ASIC2: variants seen among roughly 807,000 people sequenced by gnomAD.
ASIC2 encodes the protein acid sensing ion channel subunit 2, also known as acid-sensing ion channel 2.
ASIC2 carries 25 observed loss-of-function variants against 57.3 expected under a neutral mutation model. The ratio of observed to expected loss-of-function variants is 0.44; its 90% CI spans 0.32 to 0.61. The LOEUF is 0.61. ASIC2 is among the 20% of genes least tolerant of loss of function. ASIC2 has a pLI of 0.06. For synonymous variants in ASIC2, 319 were observed against 307.5 expected (o/e 1.04, Z -0.39); for missense variants, 641 against 738.1 (o/e 0.87, Z 1.52).
chr17:33,465,133 G>A (rs1912818482), intron 1 of ASIC2, among the ~76,000 whole-genome samples: 1 of 152,154 alleles, frequency 6.6e-6, no homozygotes, highest in Non-Finnish European at 1.5e-5. Context: ...AAGAAAATGA[G>A]TGGGCCATAT....
intron 1 of ASIC2, among the ~76,000 whole-genome samples, chr17:33,652,247 A>G (rs1346626399): frequency 6.6e-6 from 1 of 152,220 alleles, no homozygotes; most frequent in African/African-American, 2.4e-5. Context: ...AGACTAATCC[A>G]AAACAGGAGA....
intron 1 of ASIC2, among the ~76,000 whole-genome samples, chr17:33,722,850 G>A (rs1909430476): frequency 6.6e-6 from 1 of 152,134 alleles, no homozygotes; most frequent in Admixed American, 6.5e-5. Flanking sequence ...CTACTCCTCA[G>A]GAAAGTAAAA....
intron 1 of ASIC2, among the ~76,000 whole-genome samples, chr17:33,760,281 AAT>A (rs1197391194): frequency 6.6e-6 from 1 of 151,892 alleles, no homozygotes; most frequent in Non-Finnish European, 1.5e-5. Flanking sequence ...TATTTTATGG[AAT>A]ATATATATAG....
intron 1 of ASIC2, among the ~76,000 whole-genome samples, chr17:33,956,879 A>G (rs1254402184): frequency 6.6e-6 from 1 of 152,202 alleles, no homozygotes; most frequent in African/African-American, 2.4e-5. Context: ...CTCATCCTAC[A>G]GCTCCTGAGA....
At chr17:33,325,352 A>T (rs748346427) in intron 1 of ASIC2, among the ~76,000 whole-genome samples, 7 of 152,192 alleles carry the variant, frequency 4.6e-5, no homozygotes, top group Non-Finnish European at 8.8e-5. Context: ...AACTTTAAAG[A>T]TGGTACCTGC....
intron 1 of ASIC2, among the ~76,000 whole-genome samples, chr17:33,913,604 T>C (rs1425599137): frequency 6.6e-6 from 1 of 152,208 alleles, no homozygotes; most frequent in Non-Finnish European, 1.5e-5. Flanking sequence ...AAAATGAATC[T>C]GAAACATCAG....
chr17:33,188,848 T>C (rs888843989), intron 1 of ASIC2, among the ~76,000 whole-genome samples: 18 of 152,288 alleles, frequency 1.2e-4, no homozygotes, highest in African/African-American at 4.1e-4. Flanking sequence ...AGATGGAAGT[T>C]TGAATTTACA....
intron 1 of ASIC2, among the ~76,000 whole-genome samples, chr17:33,393,986 C>T (rs1385660590): frequency 6.6e-6 from 1 of 152,110 alleles, no homozygotes; most frequent in Non-Finnish European, 1.5e-5. Flanking sequence ...TCCTTGTTTC[C>T]AAAGTGGGGA....
chr17:34,105,286 A>G (rs1014440536), intron 1 of ASIC2, among the ~76,000 whole-genome samples: 1 of 151,950 alleles, frequency 6.6e-6, no homozygotes, highest in Admixed American at 6.5e-5. Context: ...TGTAGGATTT[A>G]TAATGATATT....
intron 1 of ASIC2, among the ~76,000 whole-genome samples, chr17:33,858,832 G>A (rs1418265470): frequency 6.6e-6 from 1 of 152,230 alleles, no homozygotes; most frequent in Non-Finnish European, 1.5e-5. Context: ...GACACAAGGA[G>A]GCAGATGTGT....
intron 1 of ASIC2, among the ~76,000 whole-genome samples, chr17:33,372,947 C>T (rs1360560669): frequency 6.6e-6 from 1 of 152,180 alleles, no homozygotes; most frequent in Non-Finnish European, 1.5e-5. Flanking sequence ...CTGCACTTTT[C>T]TCTGACCTCA....
intron 1 of ASIC2, among the ~76,000 whole-genome samples, chr17:33,598,698 A>G (rs1026006309): frequency 1.3e-5 from 2 of 152,206 alleles, no homozygotes; most frequent in African/African-American, 4.8e-5. Flanking sequence ...TTGCATGTAT[A>G]GAGCCTATTA....
intron 1 of ASIC2, among the ~76,000 whole-genome samples, chr17:33,644,373 T>G (rs1014106433): frequency 4.6e-5 from 7 of 152,184 alleles, no homozygotes; most frequent in African/African-American, 1.7e-4. Flanking sequence ...AATTTCAGTT[T>G]CTCTTTTATC....
chr17:33,988,100 G>A (rs1355641149), intron 1 of ASIC2, among the ~76,000 whole-genome samples: 1 of 152,162 alleles, frequency 6.6e-6, no homozygotes, highest in East Asian at 1.9e-4. Flanking sequence ...GGGAGGAAGA[G>A]CATACATAAG....
intron 2 of ASIC2, among the ~76,000 whole-genome samples, chr17:33,094,000 C>A (rs2141970237): frequency 6.6e-6 from 1 of 152,262 alleles, no homozygotes; most frequent in East Asian, 1.9e-4. Flanking sequence ...CAGATAGCTT[C>A]AGAGGAGAGG....
At chr17:33,427,402 A>G (rs561283680) in intron 1 of ASIC2, among the ~76,000 whole-genome samples, 3 of 152,230 alleles carry the variant, frequency 2.0e-5, no homozygotes, top group Non-Finnish European at 2.9e-5. Context: ...TATAGTTAAA[A>G]AGACCAAAAC....
At chr17:33,138,405 G>C (rs1597598218) in intron 1 of ASIC2, among the ~76,000 whole-genome samples, 1 of 152,162 alleles carries the variant, frequency 6.6e-6, no homozygotes, top group East Asian at 1.9e-4. Context: ...TTGAGGACTA[G>C]AGAGGTGAAA....
chr17:34,151,105 GAAAAAA>G (rs56803983), intron 1 of ASIC2, among the ~76,000 whole-genome samples: 8 of 125,288 alleles, frequency 6.4e-5, no homozygotes, highest in South Asian at 2.8e-4. Context: ...TCCATCTCAA[GAAAAAA>G]AAAAAAAAAA....
At chr17:33,823,200 G>A (rs189061215) in intron 1 of ASIC2, among the ~76,000 whole-genome samples, 4 of 152,252 alleles carry the variant, frequency 2.6e-5, no homozygotes, top group Admixed American at 2.0e-4. Flanking sequence ...TAACTAGCTC[G>A]ATGACACAAG....
Sources: allele counts gnomAD v4.1 joint callset (sites outside exome capture counted in the v4.1 genomes callset), GRCh38; gene constraint gnomAD v4.1.1; transcripts MANE v1.5; gene names NCBI Gene and HGNC (gene_info 2026-07-23, HGNC 2026-07-21).